The following KRT19 variants were observed in gnomAD, a reference collection of about 807,000 sequenced individuals.
KRT19 encodes the protein keratin, type I cytoskeletal 19.
KRT19 carries 21 observed loss-of-function variants against 34.6 expected under a neutral mutation model. The observed-to-expected ratio is 0.61, with a 90% confidence interval of 0.43 to 0.87. KRT19 has a LOEUF of 0.87. KRT19 is among the 40% of genes least tolerant of loss of function. KRT19 has a pLI of 0.00. For synonymous variants in KRT19, 240 were observed against 245.8 expected, an observed-to-expected ratio of 0.98 and a Z score of 0.22; for missense variants, 514 against 545.7, an observed-to-expected ratio of 0.94 and a Z score of 0.58.
rs1458692354 is a variant in KRT19, at chr17:41,524,211, A to T, written c.880T>A (p.Ser294Thr). The T allele has an allele frequency of 6.2e-7, 1 of 1,614,122 alleles. No homozygotes were observed. The change falls in exon 5 of 6, where the codon TCC becomes ACC. Residue 294 changes from serine (S) to threonine (T), a missense_variant. Physicochemically the swap from Ser to Thr is moderately conservative, Grantham distance 58 (BLOSUM62 1). Coordinates refer to ENST00000361566, the MANE Select transcript of KRT19 (RefSeq NM_002276.5). Reference protein sequence around the residue: ...GHTEQLQMSRSEVTDLRRTLQ... With the variant: ...GHTEQLQMSRTEVTDLRRTLQ... ...GTGCGCCGCAGGTCAGTAACCTCGGACCTGCTCATCTGGAGCTGCTCCGTG... is the reference window on the plus strand; with the variant it reads ...GTGCGCCGCAGGTCAGTAACCTCGGTCCTGCTCATCTGGAGCTGCTCCGTG...
chr17:41,524,360 C>G lies in KRT19; in HGVS notation c.822+19G>C, dbSNP rs879035408. The G allele has an allele frequency of 1.2e-6, 2 of 1,613,784 alleles. No individual in the cohort carries two copies. The highest frequency in any genetic ancestry group is 1.7e-6 in the Non-Finnish European group (2 of 1,179,682). ...TCCCCTTCCTAACCCCCAAAGGGTG[C>G]CTGCTTCCCTCTACCTACCCGGCTG... On this transcript the variant is annotated intron_variant, in intron 4 of 5. Transcript: ENST00000361566.
chr17:41,528,131 GC>G lies in KRT19; in HGVS notation c.116del (p.Gly39AlafsTer31). ...VAFRAPSIHG[G>X]SGGRGVSVSS... ...ACACGGATACGCCGCGGCCGCCGGA[GC>G]CCCCGTGAATGCTGGGCGCGCGAAA... On this transcript the variant is annotated frameshift_variant, in exon 1 of 6. Coordinates refer to ENST00000361566, the MANE Select transcript of KRT19 (RefSeq NM_002276.5). LOFTEE classifies it high-confidence loss of function. The G allele has an allele frequency of 1.9e-6, 3 of 1,605,224 alleles. No individual in the cohort carries two copies.
At position 41,524,443 on chromosome 17, in the gene KRT19, C is replaced by T. The variant is rs1240605170; in HGVS notation, c.758G>A (p.Arg253Gln). 1 of 1,614,194 alleles carries T rather than the reference C, an allele frequency of 6.2e-7. No homozygotes were observed. The highest frequency in any genetic ancestry group is 8.5e-7 in the Non-Finnish European group (1 of 1,180,036). Reference protein sequence around the residue: ...TDLAKILSDMRSQYEVMAEQN... With the variant: ...TDLAKILSDMQSQYEVMAEQN... ...CTCGGCCATGACCTCATATTGGCTT[C>T]GCATGTCACTCAGGATCTTGGCGAG... The change falls in exon 4 of 6, where the codon CGA becomes CAA. Residue 253 changes from arginine to glutamine, a missense_variant. Transcript: ENST00000361566.
chr17:41,527,254 G>C (rs1010605004), intron 1 of KRT19, among the ~76,000 whole-genome samples: 2 of 152,178 alleles, frequency 1.3e-5, no homozygotes, highest in East Asian at 1.9e-4. Flanking sequence ...CAGGGGCCAC[G>C]ACCGGCTCTC....
In KRT19 at chr17:41,528,039, G is replaced by C; in HGVS notation, c.209C>G (p.Thr70Ser). Residue 70 changes from threonine (T) to serine (S), a missense_variant, in exon 1 of 6, where the codon ACC becomes AGC. Coordinates refer to ENST00000361566, the MANE Select transcript of KRT19 (RefSeq NM_002276.5). ...AYGGGYGGVLTASDGLLAGNE... is the reference protein window; with the variant it reads ...AYGGGYGGVLSASDGLLAGNE... ...GCCCGCCAGCAGCCCGTCGGACGCG[G>C]TCAGGACGCCGCCGTAGCCGCCGCC... is the stretch of plus-strand genomic sequence containing the variant. 6.2e-7 allele frequency: 1 copy of C among 1,612,068 alleles called. No homozygotes were observed. Among genetic ancestry groups the C allele is most frequent in the Non-Finnish European group, 8.5e-7 (1 of 1,179,682 alleles).
At chr17:41,525,326 C>T (rs1249068563) in intron 1 of KRT19, 53 bp from the exon 2 acceptor site, 5 of 1,267,228 alleles carry the variant, frequency 3.9e-6, no homozygotes, top group Non-Finnish European at 5.8e-6. Context: ...GCACTGCCCA[C>T]TCACTTTCTT....
chr17:41,524,826 C>G lies in KRT19; in HGVS notation c.660+17G>C. The G allele has an allele frequency of 6.2e-7, 1 of 1,612,880 alleles. No homozygotes were observed. The highest frequency in any genetic ancestry group is 8.5e-7 in the Non-Finnish European group (1 of 1,179,814). ...AGGTTAGGGAAGGATGGAAGAAAGG[C>G]CCAGCTTCAAACCCACCTCCTCATG... On this transcript the variant is annotated intron_variant, in intron 3 of 5. Coordinates refer to ENST00000361566, the MANE Select transcript of KRT19 (RefSeq NM_002276.5).
chr17:41,527,927 C>T lies in KRT19; in HGVS notation c.321G>A (p.Glu107=). ...KVRALEAANG[E]LEVKIRDWYQ... ...ACCAGTCGCGGATCTTCACCTCTAG[C>T]TCGCCGTTGGCCGCCTCCAGGGCGC... The change falls in exon 1 of 6, where the codon GAG becomes GAA. Residue 107 remains glutamate (E), a synonymous_variant. Coordinates refer to ENST00000361566, the MANE Select transcript of KRT19 (RefSeq NM_002276.5). 1.2e-6 allele frequency: 2 copies of T among 1,613,736 alleles called. No homozygotes were observed. Among genetic ancestry groups the T allele is most frequent in the South Asian group, 1.1e-5 (1 of 91,078 alleles).
At chr17:41,527,371 G>T (rs533256621) in intron 1 of KRT19, among the ~76,000 whole-genome samples, 1 of 152,246 alleles carries the variant, frequency 6.6e-6, no homozygotes, top group Non-Finnish European at 1.5e-5. Flanking sequence ...GAATGCAGGA[G>T]GCCCTACGCT....
At chr17:41,524,057 G>T (rs759126164) in intron 5 of KRT19, 60 bp from the exon 6 acceptor site, 11 of 1,599,652 alleles carry the variant, frequency 6.9e-6, no homozygotes, top group Admixed American at 1.7e-5. Flanking sequence ...GAGGGCATGG[G>T]CACAGCCACC....
At position 41,524,000 on chromosome 17, in the gene KRT19, G is replaced by C. The variant is rs759565887; in HGVS notation, c.949-3C>G. 2 of 1,608,334 alleles carry C rather than the reference G, an allele frequency of 1.2e-6. No homozygotes were observed. The highest frequency in any genetic ancestry group is 1.7e-5 in the Admixed American group (1 of 59,930). On this transcript the variant is annotated splice_region_variant and splice_polypyrimidine_tract_variant and intron_variant, in intron 5 of 5. Transcript: ENST00000361566. ...AGTGTGTCTTCCAAGGCAGCTTTCT[G>C]AGGATAGGGAGAGGGGGTTGTGACT...
At position 41,523,904 on chromosome 17, in the gene KRT19, G is replaced by C; in HGVS notation, c.1042C>G (p.Gln348Glu). 1 of 1,614,112 alleles carries C rather than the reference G, an allele frequency of 6.2e-7. No homozygotes were observed. The highest frequency in any genetic ancestry group is 8.5e-7 in the Non-Finnish European group (1 of 1,180,040). Residue 348 changes from glutamine to glutamate, a missense_variant, in exon 6 of 6, where the codon CAG becomes GAG. Coordinates refer to ENST00000361566, the MANE Select transcript of KRT19 (RefSeq NM_002276.5). ...CTATCAGCTCGCACATCGCCCAGCT[G>C]GGCTTCAATACCGCTGATCAGCGCC... Reference protein sequence around the residue: ...IQALISGIEAQLGDVRADSER... With the variant: ...IQALISGIEAELGDVRADSER...
At position 41,527,757 on chromosome 17, in the gene KRT19, C is replaced by T. The variant is rs1905917809; in HGVS notation, c.420+71G>A. 1.5e-5 allele frequency: 23 copies of T among 1,490,074 alleles called. No individual in the cohort carries two copies. In the South Asian group the frequency reaches 2.8e-4, roughly 18 times the overall value. 92.3% of individuals were successfully genotyped at this position (1,490,074 alleles called of 1,614,324 possible). On this transcript the variant is annotated intron_variant, in intron 1 of 5. Coordinates refer to ENST00000361566, the MANE Select transcript of KRT19 (RefSeq NM_002276.5). The stretch of plus-strand genomic sequence containing the variant: ...TCCTGCCCGCCGCCCCGCCTGGAAC[C>T]TCGCCCGGCCCGCGGGGCTGGGTTT...
At chr17:41,527,173 C>CAGATCCGTTCTTTCCCA (rs79648328) in intron 1 of KRT19, among the ~76,000 whole-genome samples, 12 of 152,170 alleles carry the variant, frequency 7.9e-5, no homozygotes, top group African/African-American at 2.7e-4. Context: ...GTTCTTTCCC[C>CAGATCCGTTCTTTCCCA]GACAAGGAGC....
rs139245805 is a variant in KRT19 at position 41,523,959 on chromosome 17, C to T, written c.987G>A (p.Ala329=). Residue 329 remains alanine, a synonymous_variant, in exon 6 of 6, where the codon GCG becomes GCA. Coordinates refer to ENST00000361566, the MANE Select transcript of KRT19 (RefSeq NM_002276.5). ...TATGCGCCAGCTGGGCTCCAAAGCG[C>T]GCCTCCGTTTCTGCCAGTGTGTCTT... ...ALEDTLAETE[A]RFGAQLAHIQ... 1.7e-5 allele frequency: 27 copies of T among 1,613,140 alleles called. No homozygotes were observed. The highest frequency in any genetic ancestry group is 3.3e-5 in the Admixed American group (2 of 60,024).
chr17:41,525,300 C>T lies in KRT19; in HGVS notation c.421-27G>A, dbSNP rs151251260. ...TGGAAGGCAGAGGCAGAGGTTGGTA[C>T]CAGTTCAACACACAGGCACTGCCCA... On this transcript the variant is annotated intron_variant, in intron 1 of 5. Transcript: ENST00000361566. 8.5e-3 allele frequency: 12,932 copies of T among 1,526,894 alleles called. 95 individuals carry two copies. Among genetic ancestry groups the T allele is most frequent in the Middle Eastern group, 0.033 (196 of 5,918 alleles). The allele number at this position is 1,526,894 out of a possible 1,614,324, so 94.6% of individuals were successfully genotyped here.
chr17:41,524,369 C>T lies in KRT19; in HGVS notation c.822+10G>A. 1 of 1,614,098 alleles carries T rather than the reference C, an allele frequency of 6.2e-7. No homozygotes were observed. Among genetic ancestry groups the T allele is most frequent in the Non-Finnish European group, 8.5e-7 (1 of 1,179,958 alleles). ...TAACCCCCAAAGGGTGCCTGCTTCC[C>T]TCTACCTACCCGGCTGGTGAACCAG... On this transcript the variant is annotated intron_variant, in intron 4 of 5. Coordinates refer to ENST00000361566, the MANE Select transcript of KRT19 (RefSeq NM_002276.5).
chr17:41,524,717 A>G, intron 3 of KRT19, 126 bp downstream of exon 3: 1 of 1,276,086 alleles, frequency 7.8e-7, no homozygotes, highest in Non-Finnish European at 1.1e-6. Context: ...GGGATCCATG[A>G]TCCCACACCC....
chr17:41,524,175 G>C lies in KRT19; in HGVS notation c.916C>G (p.Leu306Val), dbSNP rs1363627310. 6.2e-7 allele frequency: 1 copy of C among 1,614,092 alleles called. No individual in the cohort carries two copies. The highest frequency in any genetic ancestry group is 1.7e-5 in the Admixed American group (1 of 60,014). The change falls in exon 5 of 6, where the codon CTT becomes GTT. Residue 306 changes from leucine to valine, a missense_variant. By Grantham distance (32) the Leu-to-Val change is conservative. Transcript: ENST00000361566. The part of the protein sequence containing the change: ...VTDLRRTLQG[L>V]EIELQSQLSM... ...AGCTGTGACTGCAGCTCAATCTCAA[G>C]ACCCTGAAGGGTGCGCCGCAGGTCA...
Sources: allele counts gnomAD v4.1 joint callset (sites outside exome capture counted in the v4.1 genomes callset), GRCh38; gene constraint gnomAD v4.1.1; transcripts MANE v1.5; gene names NCBI Gene and HGNC (gene_info 2026-07-23, HGNC 2026-07-21).